Variants in KIF16B observed in about 807,000 individuals in gnomAD.
KIF16B encodes the protein kinesin-like protein KIF16B.
Under a neutral mutation model 156.3 loss-of-function variants are expected in KIF16B, and 98 were observed. The ratio of observed to expected loss-of-function variants is 0.63; its 90% CI spans 0.53 to 0.74. The LOEUF (loss-of-function observed/expected upper bound fraction) is 0.74. KIF16B is among the 30% of genes least tolerant of loss of function. The pLI is 0.00. For missense variants in KIF16B, 1,421 were observed against 1,606.5 expected (o/e 0.88, Z 1.97); for synonymous variants, 564 against 583.7 (o/e 0.97, Z 0.49).
At position 16,569,830 on chromosome 20, in the gene KIF16B, T is replaced by C. The variant is rs138162075; in HGVS notation, c.47+3399A>G. Among the ~76,000 whole-genome samples the C allele has an allele frequency of 1.3e-3, 198 of 152,338 alleles. 1 individual carries two copies. The highest frequency in any genetic ancestry group is 3.3e-3 in the Admixed American group (51 of 15,304). On this transcript the variant is annotated intron_variant, in intron 1 of 25. Coordinates refer to ENST00000354981, the MANE Select transcript of KIF16B (RefSeq NM_024704.5). ...GTTAATAATTAATTCTAAGTATTAA[T>C]TATAAAACTACGCATGAGGAAAGTA... is the stretch of plus-strand genomic sequence containing the variant.
intron 1 of KIF16B, among the ~76,000 whole-genome samples, chr20:16,557,182 C>CTA (rs1409055929): frequency 6.7e-6 from 1 of 149,790 alleles, no homozygotes; most frequent in Non-Finnish European, 1.5e-5. Context: ...CATACTAATA[C>CTA]TATATATATG....
intron 1 of KIF16B, among the ~76,000 whole-genome samples, chr20:16,569,626 C>T (rs999506264): frequency 3.9e-5 from 6 of 152,180 alleles, no homozygotes; most frequent in African/African-American, 1.4e-4. Context: ...TTTCCAATAA[C>T]TCTGGGACTT....
chr20:16,540,470 G>C (rs1193895421), intron 1 of KIF16B, among the ~76,000 whole-genome samples: 4 of 152,182 alleles, frequency 2.6e-5, no homozygotes, highest in Non-Finnish European at 5.9e-5. Flanking sequence ...TCTAGAACAA[G>C]TCTACATCCT....
intron 17 of KIF16B, among the ~76,000 whole-genome samples, chr20:16,384,304 A>C (rs1409239155): frequency 1.3e-5 from 2 of 152,194 alleles, no homozygotes; most frequent in Admixed American, 6.5e-5. Context: ...AGTGACAGTC[A>C]GTGTGTCACA....
intron 1 of KIF16B, among the ~76,000 whole-genome samples, chr20:16,549,051 T>A (rs79748624): frequency 4.6e-5 from 7 of 151,960 alleles, no homozygotes; most frequent in South Asian, 2.1e-4. Flanking sequence ...GTTTTTTTTT[T>A]AATTATACTT....
At chr20:16,424,586 ATGCCAATGTCTTTCTTTC>A (rs1305222331) in intron 15 of KIF16B, among the ~76,000 whole-genome samples, 1 of 152,204 alleles carries the variant, frequency 6.6e-6, no homozygotes, top group Admixed American at 6.5e-5. Context: ...GGGCTTAAAC[ATGCCAATGTCTTTCTTTC>A]CCTCATTCTT....
chr20:16,499,705 A>T (rs6135765), intron 10 of KIF16B, among the ~76,000 whole-genome samples: 56 of 152,072 alleles, frequency 3.7e-4, no homozygotes, highest in Non-Finnish European at 6.2e-4. Flanking sequence ...ATCAAAGCTG[A>T]AACAGTTCTG....
chr20:16,439,823 T>G (rs565398082), intron 12 of KIF16B, among the ~76,000 whole-genome samples: 1 of 152,172 alleles, frequency 6.6e-6, no homozygotes, highest in East Asian at 1.9e-4. Flanking sequence ...CCATCAGATC[T>G]CTTGAGACTT....
intron 22 of KIF16B, among the ~76,000 whole-genome samples, chr20:16,363,549 T>A (rs1055958235): frequency 1.3e-5 from 2 of 152,250 alleles, no homozygotes; most frequent in African/African-American, 2.4e-5. Context: ...GGCCTCTTGA[T>A]GGACGGAGGG....
intron 23 of KIF16B, among the ~76,000 whole-genome samples, chr20:16,338,148 AT>A (rs2064074181): frequency 6.6e-6 from 1 of 151,928 alleles, no homozygotes; most frequent in Non-Finnish European, 1.5e-5. Context: ...CATCCCTTTC[AT>A]CTTTGCTGTA....
intron 10 of KIF16B, 42 bp from the exon 11 acceptor site, chr20:16,497,720 G>T: frequency 7.4e-7 from 1 of 1,359,558 alleles, no homozygotes; most frequent in Non-Finnish European, 1.0e-6. Context: ...TTAATAAACA[G>T]CAATAATCTA....
chr20:16,449,925 TA>T (rs1336610713), intron 12 of KIF16B, among the ~76,000 whole-genome samples: 2 of 152,122 alleles, frequency 1.3e-5, no homozygotes, highest in East Asian at 3.9e-4. Flanking sequence ...TGAGGATAAC[TA>T]TAAGAATGAA....
intron 12 of KIF16B, among the ~76,000 whole-genome samples, chr20:16,468,606 T>TTATA (rs2067566461): frequency 8.3e-6 from 1 of 119,820 alleles, no homozygotes; most frequent in Non-Finnish European, 1.8e-5. Flanking sequence ...AAAAGGAAAA[T>TTATA]TATATAACAA....
At chr20:16,539,843 A>G (rs1004245394) in intron 1 of KIF16B, among the ~76,000 whole-genome samples, 4 of 152,200 alleles carry the variant, frequency 2.6e-5, no homozygotes, top group African/African-American at 9.7e-5. Flanking sequence ...TCAGCTGATG[A>G]CATCTGGTCA....
intron 19 of KIF16B, among the ~76,000 whole-genome samples, chr20:16,378,370 G>A (rs1476122097): frequency 6.6e-6 from 1 of 151,742 alleles, no homozygotes; most frequent in African/African-American, 2.4e-5. Flanking sequence ...GAGAAAGGAG[G>A]AGGAAATAGA....
intron 24 of KIF16B, among the ~76,000 whole-genome samples, chr20:16,316,662 C>G (rs994766593): frequency 6.6e-6 from 1 of 152,150 alleles, no homozygotes; most frequent in Non-Finnish European, 1.5e-5. Context: ...ATAGCTAAAC[C>G]TCTTACCACG....
chr20:16,424,919 A>G (rs1347343102), intron 15 of KIF16B, among the ~76,000 whole-genome samples: 5 of 152,178 alleles, frequency 3.3e-5, no homozygotes, highest in Non-Finnish European at 7.4e-5. Context: ...GATTAGAAGT[A>G]TTAGTGTATT....
chr20:16,299,224 G>A (rs1468604465), intron 25 of KIF16B, among the ~76,000 whole-genome samples: 5 of 151,852 alleles, frequency 3.3e-5, no homozygotes, highest in Middle Eastern at 3.2e-3. Context: ...CCATGTGTGC[G>A]TGTGTGTGTG....
At chr20:16,393,475 G>A (rs1342255458) in intron 17 of KIF16B, among the ~76,000 whole-genome samples, 1 of 152,196 alleles carries the variant, frequency 6.6e-6, no homozygotes, top group Non-Finnish European at 1.5e-5. Flanking sequence ...TAAACATACG[G>A]TGTCACTGAC....
Sources: allele counts gnomAD v4.1 joint callset (sites outside exome capture counted in the v4.1 genomes callset), GRCh38; gene constraint gnomAD v4.1.1; transcripts MANE v1.5; gene names NCBI Gene and HGNC (gene_info 2026-07-23, HGNC 2026-07-21).